SLC7A3: variants seen among roughly 807,000 people sequenced by gnomAD.
SLC7A3 encodes solute carrier family 7 member 3.
Under a neutral mutation model 33.2 loss-of-function variants are expected in SLC7A3, and 3 were observed. That is an observed-to-expected ratio of 0.09 (90% confidence interval 0.04 to 0.23). The LOEUF (loss-of-function observed/expected upper bound fraction) is 0.23, where lower values mean the gene tolerates loss of function less well. Ranked by LOEUF, SLC7A3 falls within the 10% of genes least tolerant of loss-of-function variation. The pLI is 1.00. For synonymous variants in SLC7A3, 193 were observed against 195.1 expected (o/e 0.99, Z 0.09); for missense variants, 360 against 488.8 (o/e 0.74, Z 2.48).
chrX:70,930,760 G>T (rs1332296762), intron 1 of SLC7A3, among the ~76,000 whole-genome samples: 1 of 111,999 alleles, frequency 8.9e-6, no homozygotes, highest in Non-Finnish European at 1.9e-5. Context: ...TCCACCCGAT[G>T]CCCCCCGACT....
chrX:70,925,724 C>T lies in SLC7A3; in HGVS notation c.*89G>A, dbSNP rs756840747. 18 of 1,045,038 alleles carry T rather than the reference C, an allele frequency of 1.7e-5. No homozygotes were observed. The highest frequency in any genetic ancestry group is 2.4e-5 in the Non-Finnish European group (18 of 752,069). 86.1% of individuals were successfully genotyped at this position (1,045,038 alleles called of 1,213,427 possible). ...AGAACTGTATTAGTATCCACCACCA[C>T]CATCACAGGGGAGGGCTAGCTGTCA... is the stretch of plus-strand genomic sequence containing the variant. On this transcript the variant is annotated 3_prime_UTR_variant, in exon 12 of 12. Coordinates refer to ENST00000374299, the MANE Select transcript of SLC7A3 (RefSeq NM_032803.6).
chrX:70,930,255 A>T (rs1368372614), intron 1 of SLC7A3, among the ~76,000 whole-genome samples: 1 of 112,153 alleles, frequency 8.9e-6, no homozygotes, highest in Non-Finnish European at 1.9e-5. Context: ...ATGGCACGTG[A>T]AAGCCCCCTG....
At chrX:70,927,102 C>T (rs1369812348) in intron 8 of SLC7A3, 61 bp from the exon 9 acceptor site, 1 of 1,154,663 alleles carries the variant, frequency 8.7e-7, no homozygotes, top group East Asian at 3.0e-5. Flanking sequence ...TCATCTTCTC[C>T]CAGGCAGCTT....
At chrX:70,927,109 G>A (rs1297685248) in intron 8 of SLC7A3, 68 bp from the exon 9 acceptor site, 19 of 1,138,951 alleles carry the variant, frequency 1.7e-5, no homozygotes, top group Non-Finnish European at 2.2e-5. Flanking sequence ...CTCCCAGGCA[G>A]CTTAACCTTC....
intron 9 of SLC7A3, 64 bp downstream of exon 9, chrX:70,926,811 T>C (rs767075284): frequency 2.0e-4 from 230 of 1,172,581 alleles, no homozygotes; most frequent in Non-Finnish European, 2.6e-4. Flanking sequence ...AGCCACCAAA[T>C]GCCACACACT....
In SLC7A3 at chrX:70,925,650, C is replaced by T. The variant is rs999603234; in HGVS notation, c.*163G>A. On this transcript the variant is annotated 3_prime_UTR_variant, in exon 12 of 12. Transcript: ENST00000374299. ...CAGCTAGACATCATTTAGAAGCAGA[C>T]GGGTTAAAATAGACAAGAAATAGCA... 4 of 506,182 alleles carry T rather than the reference C, an allele frequency of 7.9e-6. No homozygotes were observed. Among genetic ancestry groups the T allele is most frequent in the Admixed American group, 4.1e-5 (1 of 24,557 alleles). The allele number at this position is 506,182 out of a possible 1,213,427, so 41.7% of individuals were successfully genotyped here.
rs1318331683 is a variant in SLC7A3, at chrX:70,925,694, C to T, written c.*119G>A. ...AATAGCAAAGACACATCCTTCACATCGTACAGAACTGTATTAGTATCCACC... is the reference window on the plus strand; with the variant it reads ...AATAGCAAAGACACATCCTTCACATTGTACAGAACTGTATTAGTATCCACC... On this transcript the variant is annotated 3_prime_UTR_variant, in exon 12 of 12. Coordinates refer to ENST00000374299, the MANE Select transcript of SLC7A3 (RefSeq NM_032803.6). The T allele has an allele frequency of 3.9e-5, 31 of 793,109 alleles. No homozygotes were observed. The highest frequency in any genetic ancestry group is 5.6e-5 in the Non-Finnish European group (31 of 554,313). The allele number at this position is 793,109 out of a possible 1,213,427, so 65.4% of individuals were successfully genotyped here.
intron 9 of SLC7A3, 52 bp downstream of exon 9, chrX:70,926,823 C>G (rs975878404): frequency 8.5e-7 from 1 of 1,183,193 alleles, no homozygotes; most frequent in East Asian, 3.0e-5. Flanking sequence ...CCACACACTT[C>G]GACCCAATCA....
At chrX:70,928,074 AC>A (rs1221992185) in intron 5 of SLC7A3, 54 bp from the exon 6 acceptor site, 1 of 1,182,746 alleles carries the variant, frequency 8.5e-7, no homozygotes, top group Non-Finnish European at 1.1e-6. Flanking sequence ...CTCCTCTACC[AC>A]CCCCAGTCTG....
Position 70,929,944 on chromosome X carries a change from T to A in SLC7A3, c.54A>T (p.Thr18=). The change falls in exon 2 of 12, where the codon ACA becomes ACT. Residue 18 remains threonine (T), a synonymous_variant. Coordinates refer to ENST00000374299, the MANE Select transcript of SLC7A3 (RefSeq NM_032803.6). ...RFGQKLVRRR[T]LESGMAETRL... ...GAGTCTCAGCCATGCCTGACTCCAG[T>A]GTACGTCTGCGTACCAGCTTTTGAC... 8.3e-7 allele frequency: 1 copy of A among 1,210,094 alleles called. No homozygotes were observed. Among genetic ancestry groups the A allele is most frequent in the South Asian group, 1.8e-5 (1 of 56,908 alleles).
At chrX:70,929,582 C>A in intron 2 of SLC7A3, 46 bp downstream of exon 2, 1 of 1,161,661 alleles carries the variant, frequency 8.6e-7, no homozygotes, top group East Asian at 3.0e-5. Flanking sequence ...GACCAAAAAC[C>A]CCTTTGCTGG....
intron 9 of SLC7A3, 57 bp downstream of exon 9, chrX:70,926,818 C>T: frequency 8.5e-7 from 1 of 1,180,719 alleles, no homozygotes; most frequent in Non-Finnish European, 1.1e-6. Flanking sequence ...AAATGCCACA[C>T]ACTTCGACCC....
In SLC7A3 at chrX:70,928,196, C is replaced by A. The variant is rs759588234; in HGVS notation, c.769G>T (p.Ala257Ser). The A allele has an allele frequency of 5.8e-6, 7 of 1,211,798 alleles. No homozygotes were observed. Among genetic ancestry groups the A allele is most frequent in the Non-Finnish European group, 7.8e-6 (7 of 895,466 alleles). The change falls in exon 5 of 12, where the codon GCA (alanine) becomes TCA (serine). Residue 257 changes from alanine to serine, a missense_variant. By Grantham distance (99) the Ala-to-Ser change is moderately conservative. Coordinates refer to ENST00000374299, the MANE Select transcript of SLC7A3 (RefSeq NM_032803.6). ...ACAAATGCATAGAAACAGGTCGCTGCTCCACGGAGAATTCCCTCGAAGCCG... is the reference window on the plus strand; with the variant it reads ...ACAAATGCATAGAAACAGGTCGCTGATCCACGGAGAATTCCCTCGAAGCCG... ...PFGFEGILRG[A>S]ATCFYAFVGF...
Position 70,929,951 on chromosome X carries a change from C to A in SLC7A3, c.47G>T (p.Arg16Ile), listed in dbSNP as rs1420439665. Residue 16 changes from arginine to isoleucine, a missense_variant, in exon 2 of 12, where the codon AGA (arginine) becomes ATA (isoleucine). Coordinates refer to ENST00000374299, the MANE Select transcript of SLC7A3 (RefSeq NM_032803.6). ...AGCCATGCCTGACTCCAGTGTACGT[C>A]TGCGTACCAGCTTTTGACCAAATCT... ...FRRFGQKLVR[R>I]RTLESGMAET... is the part of the protein sequence containing the mutation. 1 of 1,206,385 alleles carries A rather than the reference C, an allele frequency of 8.3e-7. No homozygotes were observed. The highest frequency in any genetic ancestry group is 1.1e-6 in the Non-Finnish European group (1 of 892,414).
rs750044913 is a variant in SLC7A3, at chrX:70,928,933, G to A, written c.440C>T (p.Thr147Ile). The A allele has an allele frequency of 2.0e-5, 24 of 1,209,298 alleles. 1 individual carries two copies. The Admixed American group carries it at 3.3e-4, about 17-fold the overall frequency. The change falls in exon 3 of 12, where the codon ACT becomes ATT. Residue 147 changes from threonine to isoleucine, a missense_variant. Thr to Ile is a moderately conservative substitution (Grantham distance 89). Coordinates refer to ENST00000374299, the MANE Select transcript of SLC7A3 (RefSeq NM_032803.6). The part of the protein sequence containing the change: ...DNLIGNHISK[T>I]LQGSIALHVP... ...GTGCAGTGCAATGGACCCCTGCAGA[G>A]TCTTAGAGATGTGGTTCCCAATCAG...
rs2091894982 is a variant in SLC7A3 at position 70,925,730 on chromosome X, CAGGGGAGGGCT to C, written c.*72_*82del. ...GTATTAGTATCCACCACCACCATCA[CAGGGGAGGGCT>C]AGCTGTCACTGGGGTCAGGAGTACT... On this transcript the variant is annotated 3_prime_UTR_variant, in exon 12 of 12. Transcript: ENST00000374299. 9.2e-7 allele frequency: 1 copy of C among 1,091,841 alleles called. No individual in the cohort carries two copies. 90.0% of individuals were successfully genotyped at this position (1,091,841 alleles called of 1,213,427 possible).
In SLC7A3 at chrX:70,928,862, G is replaced by A; in HGVS notation, c.511C>T (p.Leu171Phe). Residue 171 changes from leucine to phenylalanine, a missense_variant, in exon 3 of 12, where the codon CTC (leucine) becomes TTC (phenylalanine). Leu to Phe is a conservative substitution (Grantham distance 22, BLOSUM62 0). Transcript: ENST00000374299. ...AEYPDFFALGLVLLLTGLLAL... is the reference protein window; with the variant it reads ...AEYPDFFALGFVLLLTGLLAL... ...GCCTCACCAGTGAGCAGCAACACGA[G>A]GCCCAAAGCAAAGAAATCTGGATAT... 1 of 1,210,795 alleles carries A rather than the reference G, an allele frequency of 8.3e-7. No individual in the cohort carries two copies. Among genetic ancestry groups the A allele is most frequent in the Non-Finnish European group, 1.1e-6 (1 of 895,352 alleles).
Position 70,927,980 on chromosome X carries a change from G to A in SLC7A3, c.861C>T (p.Gly287=), listed in dbSNP as rs1278378490. Residue 287 remains glycine, a synonymous_variant, in exon 6 of 12, where the codon GGC becomes GGT. Transcript: ENST00000374299. Reference sequence around the variant, plus strand: ...AGCAGACAGACAGTGAGATCACAATGCCCATCGGGATGGAACGCTGGGGAT... The same window carrying A: ...AGCAGACAGACAGTGAGATCACAATACCCATCGGGATGGAACGCTGGGGAT... ...AQNPQRSIPM[G]IVISLSVCFL... 3 of 1,211,635 alleles carry A rather than the reference G, an allele frequency of 2.5e-6. No individual in the cohort carries two copies. In the South Asian group the frequency reaches 5.3e-5, roughly 21 times the overall value.
rs771991925 is a variant in SLC7A3 at position 70,927,025 on chromosome X, C to G, written c.1303G>C (p.Glu435Gln). The change falls in exon 9 of 12, where the codon GAG (glutamate) becomes CAG (glutamine). Residue 435 changes from glutamate to glutamine, a missense_variant. Transcript: ENST00000374299. ...TCCACTTCTTCCCCAGTCTTTGTCT[C>G]CTGATCAGGTTGATACCTGAGGCAA... is the stretch of plus-strand genomic sequence containing the variant. ...VLILRYQPDQ[E>Q]TKTGEEVELQ... 12 of 1,206,343 alleles carry G rather than the reference C, an allele frequency of 9.9e-6. No homozygotes were observed. The highest frequency in any genetic ancestry group is 1.8e-5 in the African/African-American group (1 of 57,141).
Sources: allele counts gnomAD v4.1 joint callset (sites outside exome capture counted in the v4.1 genomes callset), GRCh38; gene constraint gnomAD v4.1.1; transcripts MANE v1.5; gene names NCBI Gene and HGNC (gene_info 2026-07-23, HGNC 2026-07-21).